Variants in NELL1 observed in about 807,000 individuals in gnomAD.
NELL1 encodes the protein neural EGFL like 1.
Under a neutral mutation model 107.4 loss-of-function variants are expected in NELL1, and 76 were observed. The ratio of observed to expected loss-of-function variants is 0.71; its 90% CI spans 0.59 to 0.86. The LOEUF is 0.86. Among genes scored for constraint, NELL1 ranks in the 40% least tolerant of loss-of-function variants. NELL1 has a pLI of 0.00. For missense variants in NELL1, 1,024 were observed against 1,005.5 expected, an observed-to-expected ratio of 1.02 and a Z score of -0.25; for synonymous variants, 353 against 341.2, an observed-to-expected ratio of 1.03 and a Z score of -0.38.
chr11:21,290,521 G>A lies in NELL1; in HGVS notation c.1549+61067G>A, dbSNP rs1401984752. Among the ~76,000 whole-genome samples the A allele has an allele frequency of 3.9e-5, 6 of 152,304 alleles. No homozygotes were observed. In the East Asian group the frequency reaches 1.2e-3, roughly 29 times the overall value. On this transcript the variant is annotated intron_variant, in intron 14 of 19. Transcript: ENST00000357134. ...AGGGACAGACTGCCTCCTCAAGTGG[G>A]TCCCTGACCCCTGTGCCTCCAGACT... is the stretch of plus-strand genomic sequence containing the variant.
At chr11:21,292,030 C>T (rs1467581551) in intron 14 of NELL1, among the ~76,000 whole-genome samples, 2 of 152,208 alleles carry the variant, frequency 1.3e-5, no homozygotes, top group African/African-American at 4.8e-5. Context: ...CAAGGATGCC[C>T]TCTCTCAACA....
intron 4 of NELL1, among the ~76,000 whole-genome samples, chr11:20,854,706 TG>T (rs869291866): frequency 1.2e-4 from 2 of 16,236 alleles, no homozygotes; most frequent in Non-Finnish European, 1.8e-4. Flanking sequence ...CATGTGACAG[TG>T]GACAGCCTGT....
At chr11:21,307,461 C>G (rs1292185076) in intron 14 of NELL1, among the ~76,000 whole-genome samples, 1 of 151,760 alleles carries the variant, frequency 6.6e-6, no homozygotes, top group Non-Finnish European at 1.5e-5. Context: ...AAACACACAC[C>G]TACATATTTA....
intron 13 of NELL1, among the ~76,000 whole-genome samples, chr11:21,213,386 T>A (rs550245206): frequency 6.6e-6 from 1 of 152,232 alleles, no homozygotes; most frequent in South Asian, 2.1e-4. Flanking sequence ...GCAAAAGAAC[T>A]AGAATAGCTA....
intron 13 of NELL1, among the ~76,000 whole-genome samples, chr11:21,155,112 T>C (rs546718570): frequency 6.6e-6 from 1 of 152,220 alleles, no homozygotes; most frequent in African/African-American, 2.4e-5. Flanking sequence ...CTAGAGATTG[T>C]TGGATTTGGG....
intron 12 of NELL1, among the ~76,000 whole-genome samples, chr11:21,035,948 C>T (rs1050091234): frequency 6.6e-6 from 1 of 152,160 alleles, no homozygotes; most frequent in African/African-American, 2.4e-5. Flanking sequence ...GTCAAACTAT[C>T]CTTGTTTGCA....
intron 15 of NELL1, among the ~76,000 whole-genome samples, chr11:21,469,079 T>G (rs561191248): frequency 1.2e-4 from 19 of 152,166 alleles, no homozygotes; most frequent in Non-Finnish European, 2.1e-4. Flanking sequence ...ATCCTTGAAA[T>G]GCCAAGGACC....
chr11:21,548,675 A>G, intron 16 of NELL1, among the ~76,000 whole-genome samples: 1 of 151,818 alleles, frequency 6.6e-6, no homozygotes, highest in East Asian at 1.9e-4. Flanking sequence ...GCCAAACCAT[A>G]TCAGAGATTT....
chr11:21,274,411 G>C (rs1176609604), intron 14 of NELL1, among the ~76,000 whole-genome samples: 2 of 152,140 alleles, frequency 1.3e-5, no homozygotes, highest in African/African-American at 4.8e-5. Context: ...AGTCCTTAGA[G>C]ACCTACAAAG....
chr11:21,265,392 C>T (rs1848616035), intron 14 of NELL1, among the ~76,000 whole-genome samples: 2 of 151,958 alleles, frequency 1.3e-5, no homozygotes, highest in African/African-American at 2.4e-5. Flanking sequence ...TGTGTATTCT[C>T]TTTTGGAAAA....
chr11:20,819,085 A>C (rs1455898677), intron 3 of NELL1, among the ~76,000 whole-genome samples: 1 of 152,190 alleles, frequency 6.6e-6, no homozygotes, highest in East Asian at 1.9e-4. Flanking sequence ...AGTATATTTT[A>C]CTGGCTCTTT....
intron 13 of NELL1, among the ~76,000 whole-genome samples, chr11:21,127,191 CAGAG>C (rs1479097905): frequency 6.6e-6 from 1 of 151,948 alleles, no homozygotes; most frequent in Non-Finnish European, 1.5e-5. Context: ...TCGCAACACA[CAGAG>C]AGACAGGTAA....
chr11:20,732,468 A>C (rs1855668929), intron 2 of NELL1, among the ~76,000 whole-genome samples: 1 of 152,148 alleles, frequency 6.6e-6, no homozygotes, highest in Non-Finnish European at 1.5e-5. Context: ...CTGGGGAGGA[A>C]ATACAGATAT....
chr11:21,280,284 A>G (rs1848964083), intron 14 of NELL1, among the ~76,000 whole-genome samples: 1 of 152,246 alleles, frequency 6.6e-6, no homozygotes, highest in Admixed American at 6.5e-5. Flanking sequence ...AGACGGCCAA[A>G]TAGAAGGCTG....
intron 2 of NELL1, among the ~76,000 whole-genome samples, chr11:20,700,605 C>A (rs1370314630): frequency 6.6e-6 from 1 of 151,980 alleles, no homozygotes; most frequent in Non-Finnish European, 1.5e-5. Flanking sequence ...GTGTGCGGCA[C>A]CCATTAACTC....
chr11:21,554,209 GATTA>G (rs1284872397), intron 16 of NELL1, among the ~76,000 whole-genome samples: 1 of 151,844 alleles, frequency 6.6e-6, no homozygotes, highest in African/African-American at 2.4e-5. Context: ...AAACCAACTT[GATTA>G]ATTTAGAAGA....
intron 4 of NELL1, among the ~76,000 whole-genome samples, chr11:20,865,268 A>G (rs980429196): frequency 1.3e-5 from 2 of 152,216 alleles, no homozygotes; most frequent in South Asian, 4.1e-4. Flanking sequence ...CTTGCTGTAA[A>G]GCTCATTCCT....
intron 14 of NELL1, among the ~76,000 whole-genome samples, chr11:21,250,193 A>G (rs1041240196): frequency 2.6e-5 from 4 of 152,146 alleles, no homozygotes; most frequent in Non-Finnish European, 4.4e-5. Flanking sequence ...ATCCTACTCA[A>G]AAAGCATCTT....
chr11:21,371,685 T>C (rs1851361105), intron 15 of NELL1, among the ~76,000 whole-genome samples: 1 of 152,060 alleles, frequency 6.6e-6, no homozygotes, highest in Admixed American at 6.6e-5. Flanking sequence ...ATGTGTTTTG[T>C]TAGGGTAAAA....
Sources: allele counts gnomAD v4.1 joint callset (sites outside exome capture counted in the v4.1 genomes callset), GRCh38; gene constraint gnomAD v4.1.1; transcripts MANE v1.5; gene names NCBI Gene and HGNC (gene_info 2026-07-23, HGNC 2026-07-21).